The following SLC12A5 variants were observed in gnomAD, a reference collection of about 807,000 sequenced individuals.
The protein encoded by SLC12A5 is solute carrier family 12 member 5, also known as K-Cl cotransporter 2.
SLC12A5 carries 18 observed loss-of-function variants against 124.0 expected under a neutral mutation model. The observed-to-expected ratio is 0.15, with a 90% CI of 0.10 to 0.22. The LOEUF (loss-of-function observed/expected upper bound fraction) is 0.22. Among genes scored for constraint, SLC12A5 ranks in the 10% least tolerant of loss-of-function variants. SLC12A5 has a pLI of 1.00. For missense variants in SLC12A5, 867 were observed against 1,478.7 expected, an observed-to-expected ratio of 0.59 and a Z score of 6.78; for synonymous variants, 589 against 568.0, an observed-to-expected ratio of 1.04 and a Z score of -0.53.
chr20:46,036,824 A>G (rs1324675390), intron 5 of SLC12A5, 29 bp downstream of exon 5: 1 of 1,613,078 alleles, frequency 6.2e-7, no homozygotes. Flanking sequence ...GTGGGGAGGG[A>G]GGATGGCTGG....
chr20:46,036,561 TA>T, intron 4 of SLC12A5, 179 bp from the exon 5 acceptor site: 1 of 560,284 alleles, frequency 1.8e-6, no homozygotes. Flanking sequence ...GCATGGTGAA[TA>T]AGGTTTTCTT....
At chr20:46,038,852 G>A (rs1363041602) in intron 6 of SLC12A5, among the ~76,000 whole-genome samples, 43 of 152,342 alleles carry the variant, frequency 2.8e-4, no homozygotes, top group Non-Finnish European at 1.0e-4. Flanking sequence ...ACAGCAATTA[G>A]TGTCACGGCA....
At chr20:46,023,540 A>C (rs953833277) in exon 3 of SLC12A5, 7 of 398,520 alleles carry the variant, frequency 1.8e-5, no homozygotes, top group Non-Finnish European at 2.2e-5. Flanking sequence ...CCTCCTCCAC[A>C]GAAGCCCCCC....
At chr20:46,055,090 A>T in intron 21 of SLC12A5, 67 bp downstream of exon 21, 4 of 1,176,634 alleles carry the variant, frequency 3.4e-6, no homozygotes, top group Non-Finnish European at 5.1e-6. Flanking sequence ...CAGGTTTAGG[A>T]TGCCTCAGGG....
At chr20:46,034,712 AC>A in intron 1 of SLC12A5, among the ~76,000 whole-genome samples, 1 of 151,890 alleles carries the variant, frequency 6.6e-6, no homozygotes, top group Non-Finnish European at 1.5e-5. Context: ...ATGGAATAGG[AC>A]CCCCAAGAGC....
chr20:46,046,759 C>T (rs571720690), intron 14 of SLC12A5, among the ~76,000 whole-genome samples: 1 of 152,314 alleles, frequency 6.6e-6, no homozygotes, highest in African/African-American at 2.4e-5. Flanking sequence ...CACTTCCTAG[C>T]TGTGAGATCT....
intron 8 of SLC12A5, 53 bp from the exon 9 acceptor site, chr20:46,043,100 A>G: frequency 1.3e-6 from 2 of 1,576,340 alleles, no homozygotes; most frequent in Non-Finnish European, 1.7e-6. Flanking sequence ...CTGGTCCCAG[A>G]GCTCTGGTCC....
chr20:46,021,897 C>A (rs764312398), intron 1 of SLC12A5: 1 of 1,519,340 alleles, frequency 6.6e-7, no homozygotes, highest in Admixed American at 2.0e-5. Flanking sequence ...GTAGAGGCCG[C>A]AGGGGGCGGG....
chr20:46,041,163 G>GAAAA (rs11460894), intron 7 of SLC12A5, 166 bp from the exon 8 acceptor site: 81 of 504,322 alleles, frequency 1.6e-4, no homozygotes, highest in Admixed American at 4.8e-4. Context: ...GGGAGCTTAA[G>GAAAA]AAAAAAAAAA....
At position 46,058,256 on chromosome 20, in the gene SLC12A5, T is replaced by C. The variant is rs1840877555; in HGVS notation, c.*651T>C. ...AGGCGAGGCCTCGGGAAGCTGAATTTTCCTTGACGTCCAAGAGTTTGAGAG... is the reference window on the plus strand; with the variant it reads ...AGGCGAGGCCTCGGGAAGCTGAATTCTCCTTGACGTCCAAGAGTTTGAGAG... On this transcript the variant is annotated 3_prime_UTR_variant, in exon 26 of 26. Coordinates refer to ENST00000243964, the MANE Select transcript of SLC12A5 (RefSeq NM_020708.5). The surrounding 1 kb of genome is among the most constrained non-coding windows in gnomAD (Gnocchi z 5.8). The C allele has an allele frequency of 2.6e-6, 1 of 390,488 alleles. No homozygotes were observed. The highest frequency in any genetic ancestry group is 2.1e-5 in the African/African-American group (1 of 48,498). The allele number at this position is 390,488 out of a possible 1,614,324, so 24.2% of individuals were successfully genotyped here. A position where few individuals can be genotyped will look rare whatever the true frequency, so the allele number is the denominator to read the frequency against.
Position 46,036,665 on chromosome 20 carries a change from G to C in SLC12A5, c.427-76G>C, listed in dbSNP as rs532337959. On this transcript the variant is annotated intron_variant, in intron 4 of 25. Transcript: ENST00000243964. ...TGTGGGTTTGGCTGGTGTTTATGGG[G>C]TATAAGGCTTGGCCCCCACCCAGGC... 44 of 1,528,442 alleles carry C rather than the reference G, an allele frequency of 2.9e-5. No homozygotes were observed. The South Asian group carries it at 4.7e-4, about 16-fold the overall frequency. 94.7% of individuals were successfully genotyped at this position (1,528,442 alleles called of 1,614,324 possible).
chr20:46,035,054 G>A lies in SLC12A5; in HGVS notation c.147+12G>A. On this transcript the variant is annotated intron_variant, in intron 2 of 25. Coordinates refer to ENST00000243964, the MANE Select transcript of SLC12A5 (RefSeq NM_020708.5). ...TGGCCTTGTTTGAGGTGGGCTGCTAGGGCTGTTGGGCCCCCACCTACAATT... is the reference window on the plus strand; with the variant it reads ...TGGCCTTGTTTGAGGTGGGCTGCTAAGGCTGTTGGGCCCCCACCTACAATT... The A allele has an allele frequency of 2.5e-6, 4 of 1,612,818 alleles. No homozygotes were observed. The highest frequency in any genetic ancestry group is 3.4e-6 in the Non-Finnish European group (4 of 1,178,994).
chr20:46,035,075 CA>C, intron 2 of SLC12A5, 33 bp downstream of exon 2: 3 of 1,597,264 alleles, frequency 1.9e-6, no homozygotes, highest in Non-Finnish European at 2.6e-6. Context: ...CCCCCACCTA[CA>C]ATTCATTATC....
At chr20:46,021,894 C>G in intron 1 of SLC12A5, 2 of 1,520,808 alleles carry the variant, frequency 1.3e-6, no homozygotes, top group Non-Finnish European at 1.8e-6. Flanking sequence ...AAGGTAGAGG[C>G]CGCAGGGGGC....
At chr20:46,035,308 C>T (rs2084487319) in intron 2 of SLC12A5, 96 bp from the exon 3 acceptor site, 10 of 1,461,554 alleles carry the variant, frequency 6.8e-6, no homozygotes, top group South Asian at 2.6e-5. Context: ...TGAATAGTTT[C>T]GTGCTCCTTG....
chr20:46,045,440 G>A lies in SLC12A5; in HGVS notation c.1569+300G>A, dbSNP rs1301479184. On this transcript the variant is annotated intron_variant, in intron 12 of 25. Transcript: ENST00000243964. This position sits in a 1 kb window ranked among gnomAD's most constrained non-coding sequence, Gnocchi z 4.9. ...GCCCATGGTCAGTGCATCCCTTGGA[G>A]CACTGTCTGCTCTTGGGGAAAAAAT... is the stretch of plus-strand genomic sequence containing the variant. 1.3e-5 allele frequency among the ~76,000 whole-genome samples: 2 copies of A among 152,202 alleles called. No individual in the cohort carries two copies. The highest frequency in any genetic ancestry group is 2.9e-5 in the Non-Finnish European group (2 of 68,034).
At chr20:46,055,318 A>C (rs1256803158) in intron 21 of SLC12A5, among the ~76,000 whole-genome samples, 1 of 152,192 alleles carries the variant, frequency 6.6e-6, no homozygotes, top group Non-Finnish European at 1.5e-5. Context: ...ATACGTATGG[A>C]TGATGAGTCC....
chr20:46,050,123 A>G (rs572553621), intron 17 of SLC12A5, among the ~76,000 whole-genome samples: 1 of 152,378 alleles, frequency 6.6e-6, no homozygotes, highest in South Asian at 2.1e-4. Flanking sequence ...CTGCCAAAGT[A>G]TAAATCTTTC....
chr20:46,045,795 C>T lies in SLC12A5; in HGVS notation c.1570-83C>T, dbSNP rs184315792. The T allele has an allele frequency of 1.8e-6, 2 of 1,088,350 alleles. No individual in the cohort carries two copies. Among genetic ancestry groups the T allele is most frequent in the African/African-American group, 3.1e-5 (2 of 64,574 alleles). 67.4% of individuals were successfully genotyped at this position (1,088,350 alleles called of 1,614,324 possible). Reference sequence around the variant, plus strand: ...CTCTTTGGTGATAGGATTCCTGCCTCTACTCCACTGGTTCCCGAGGCTAGG... The same window carrying T: ...CTCTTTGGTGATAGGATTCCTGCCTTTACTCCACTGGTTCCCGAGGCTAGG... On this transcript the variant is annotated intron_variant, in intron 12 of 25. Coordinates refer to ENST00000243964, the MANE Select transcript of SLC12A5 (RefSeq NM_020708.5). The surrounding 1 kb of genome is among the most constrained non-coding windows in gnomAD (Gnocchi z 4.9).
Sources: gnomAD v4.1 joint callset for allele counts (sites outside exome capture counted in the v4.1 genomes callset) on GRCh38, gnomAD v4.1.1 for gene constraint, Gnocchi (gnomAD v3.1) non-coding constraint, MANE v1.5 for transcripts, NCBI Gene and HGNC (gene_info 2026-07-23, HGNC 2026-07-21) for gene names.